Variants in BAHD1 observed in about 807,000 individuals in gnomAD.
The protein encoded by BAHD1 is bromo adjacent homology domain-containing 1 protein.
Under a neutral mutation model 63.1 loss-of-function variants are expected in BAHD1, and 20 were observed. The observed-to-expected ratio is 0.32, with a 90% CI of 0.22 to 0.46. The LOEUF is 0.46. Ranked by LOEUF, BAHD1 falls within the 20% of genes least tolerant of loss-of-function variation. The pLI is 1.00. For synonymous variants in BAHD1, 408 were observed against 426.8 expected (o/e 0.96, Z 0.54); for missense variants, 939 against 1,071.8 (o/e 0.88, Z 1.73).
intron 1 of BAHD1, among the ~76,000 whole-genome samples, chr15:40,451,275 C>T (rs142509310): frequency 1.5e-3 from 230 of 152,042 alleles, no homozygotes; most frequent in African/African-American, 5.2e-3. Context: ...CCACGGTACA[C>T]GTGGCATAAA....
At chr15:40,451,075 C>T (rs913053407) in intron 1 of BAHD1, among the ~76,000 whole-genome samples, 1 of 126,300 alleles carries the variant, frequency 7.9e-6, no homozygotes, top group African/African-American at 3.0e-5. Flanking sequence ...ACCCAGGAGG[C>T]GGAGGTTGCA....
chr15:40,442,552 G>T (rs1245373869), intron 1 of BAHD1, among the ~76,000 whole-genome samples: 4 of 152,182 alleles, frequency 2.6e-5, no homozygotes, highest in Non-Finnish European at 4.4e-5. Flanking sequence ...TCTGCCTACA[G>T]GCAGAAGTCT....
At chr15:40,447,572 A>G (rs1054955283) in intron 1 of BAHD1, among the ~76,000 whole-genome samples, 10 of 27,972 alleles carry the variant, frequency 3.6e-4, no homozygotes, top group African/African-American at 8.4e-4. Context: ...ATAAATAAAT[A>G]AATAAATAAA....
intron 1 of BAHD1, among the ~76,000 whole-genome samples, chr15:40,452,233 C>G (rs1216752571): frequency 6.6e-6 from 1 of 152,168 alleles, no homozygotes; most frequent in African/African-American, 2.4e-5. Flanking sequence ...GCAAGTGAGG[C>G]TGTATGGGCA....
intron 1 of BAHD1, among the ~76,000 whole-genome samples, chr15:40,453,073 CCCT>C (rs1277721363): frequency 6.6e-6 from 1 of 152,202 alleles, no homozygotes; most frequent in Non-Finnish European, 1.5e-5. Context: ...GGGCCAGCTG[CCCT>C]CCTCTGTCGG....
intron 1 of BAHD1, among the ~76,000 whole-genome samples, chr15:40,445,188 CAG>C (rs1318484556): frequency 3.7e-5 from 5 of 135,250 alleles, no homozygotes; most frequent in Non-Finnish European, 7.7e-5. Context: ...TATCAAGAAA[CAG>C]AGAAAATTTC....
At chr15:40,443,238 CATGGGAGTTT>C in intron 1 of BAHD1, 1 of 984,832 alleles carries the variant, frequency 1.0e-6, no homozygotes, top group Non-Finnish European at 1.2e-6. Flanking sequence ...GTAGCATGGG[CATGGGAGTTT>C]ATTCATGGCC....
intron 6 of BAHD1, 81 bp from the exon 7 acceptor site, chr15:40,465,860 C>CGGGTA (rs769713190): frequency 1.7e-5 from 24 of 1,409,514 alleles, no homozygotes; most frequent in East Asian, 2.3e-5. Context: ...CTCTCTGGGT[C>CGGGTA]GGGTAGGGTA....
At chr15:40,461,610 A>G (rs1894042332) in intron 2 of BAHD1, among the ~76,000 whole-genome samples, 1 of 152,060 alleles carries the variant, frequency 6.6e-6, no homozygotes, top group African/African-American at 2.4e-5. Context: ...ACTGCACTCT[A>G]GCCTGGGCAA....
rs546204624 is a variant in BAHD1 at position 40,462,190 on chromosome 15, A to C, written c.1711A>C (p.Lys571Gln). The change falls in exon 3 of 7, where the codon AAG becomes CAG. Residue 571 changes from lysine (K) to glutamine (Q), a missense_variant. By Grantham distance (53) the Lys-to-Gln change is moderately conservative. This residue lies in a region of BAHD1 where 797 missense variants were observed against 813.3 expected (regional missense o/e 0.98). Coordinates refer to ENST00000416165, the MANE Select transcript of BAHD1 (RefSeq NM_014952.5). ...GGCTGCCCGCAGGCCTAGCCACCCCAAGCAGCCACGTGTCCAGCGCCCACG... is the reference window on the plus strand; with the variant it reads ...GGCTGCCCGCAGGCCTAGCCACCCCCAGCAGCCACGTGTCCAGCGCCCACG... ...SKAARRPSHP[K>Q]QPRVQRPRPR... 8 of 1,612,516 alleles carry C rather than the reference A, an allele frequency of 5.0e-6. No individual in the cohort carries two copies. In the East Asian group the frequency reaches 1.8e-4, roughly 36 times the overall value.
chr15:40,454,958 C>G (rs1893807549), intron 1 of BAHD1, among the ~76,000 whole-genome samples: 1 of 152,174 alleles, frequency 6.6e-6, no homozygotes, highest in South Asian at 2.1e-4. Context: ...GCCCCTCCAC[C>G]CAGCCCCACC....
Sources: allele counts gnomAD v4.1 joint callset (sites outside exome capture counted in the v4.1 genomes callset), GRCh38; gene constraint gnomAD v4.1.1; regional missense constraint gnomAD v4.1.1; transcripts MANE v1.5; gene names NCBI Gene and HGNC (gene_info 2026-07-23, HGNC 2026-07-21).